The following MGST1 variants were observed in gnomAD, a reference collection of about 807,000 sequenced individuals.
The protein encoded by MGST1 is microsomal glutathione S-transferase 1.
Under a neutral mutation model 8.9 loss-of-function variants are expected in MGST1, and 5 were observed. That is an observed-to-expected ratio of 0.56 (90% CI 0.29 to 1.19). The LOEUF (loss-of-function observed/expected upper bound fraction) is 1.19. Ranked by LOEUF, MGST1 falls within the 50% of genes most tolerant of loss-of-function variation. The pLI, the probability that MGST1 is intolerant of heterozygous loss-of-function variation, is 0.08. For synonymous variants in MGST1, 54 were observed against 67.8 expected (o/e 0.80, Z 1.00); for missense variants, 182 against 187.4 (o/e 0.97, Z 0.17).
rs974026090 is a variant in MGST1 at position 16,500,489 on chromosome 12, A to G, written n.483-89039A>G. ...TACATTACATTTACAGTTTTATTTC[A>G]TTTTGTAAAGTTTCATTTCAAAACG... On this transcript the variant is annotated intron_variant and non_coding_transcript_variant, in intron 4 of 4. Coordinates refer to the MGST1 transcript ENST00000538857. The surrounding 1 kb of genome is among the most constrained non-coding windows in gnomAD (Gnocchi z 4.3). Among the ~76,000 whole-genome samples the G allele has an allele frequency of 2.0e-5, 3 of 152,114 alleles. No homozygotes were observed. The highest frequency in any genetic ancestry group is 2.9e-5 in the Non-Finnish European group (2 of 68,002).
chr12:16,392,275 C>G (rs1940559830), intron 1 of MGST1, among the ~76,000 whole-genome samples: 1 of 152,174 alleles, frequency 6.6e-6, no homozygotes, highest in Non-Finnish European at 1.5e-5. Context: ...ATTGCCTCTT[C>G]ACATGACGAT....
At chr12:16,491,546 A>T (rs1941438145) in intron 4 of MGST1, among the ~76,000 whole-genome samples, 1 of 152,136 alleles carries the variant, frequency 6.6e-6, no homozygotes, top group Non-Finnish European at 1.5e-5. Context: ...TTCCTCTCTT[A>T]AATAATGAGA....
At chr12:16,397,389 A>G (rs868827691) in intron 1 of MGST1, among the ~76,000 whole-genome samples, 1 of 152,126 alleles carries the variant, frequency 6.6e-6, no homozygotes, top group Admixed American at 6.6e-5. Context: ...ATGACCAAGA[A>G]CCCAAAAGCA....
chr12:16,444,331 T>C (rs1318275002), intron 4 of MGST1, among the ~76,000 whole-genome samples: 2 of 151,820 alleles, frequency 1.3e-5, no homozygotes, highest in African/African-American at 4.8e-5. Context: ...GACTACTTTG[T>C]CTCTGATCTT....
chr12:16,510,099 G>A (rs1246502104), intron 4 of MGST1, among the ~76,000 whole-genome samples: 1 of 152,172 alleles, frequency 6.6e-6, no homozygotes, highest in Non-Finnish European at 1.5e-5. Context: ...ACCTTAAAAG[G>A]AAGCTCAGAT....
rs1009205053 is a variant in MGST1 at position 16,349,624 on chromosome 12, G to A, written c.-23+1914G>A. Reference sequence around the variant, plus strand: ...TCTACCTCAGGATTTTTCGGGTCAAGCGAGATAAAATATGCAAAAGCTTTT... The same window carrying A: ...TCTACCTCAGGATTTTTCGGGTCAAACGAGATAAAATATGCAAAAGCTTTT... On this transcript the variant is annotated intron_variant, in intron 1 of 3. Transcript: ENST00000396210. Among the ~76,000 whole-genome samples the A allele has an allele frequency of 8.5e-5, 13 of 152,240 alleles. No individual in the cohort carries two copies. In the East Asian group the frequency reaches 1.2e-3, roughly 14 times the overall value.
At chr12:16,487,226 C>T (rs1451252767) in intron 4 of MGST1, among the ~76,000 whole-genome samples, 2 of 152,082 alleles carry the variant, frequency 1.3e-5, no homozygotes, top group Non-Finnish European at 2.9e-5. Flanking sequence ...GGTGAGTAAA[C>T]CCCAGAGATT....
downstream of MGST1, among the ~76,000 whole-genome samples, chr12:16,377,407 T>G (rs9738076): frequency 0.6 from 90,789 of 150,362 alleles, 28,148 homozygotes; most frequent in East Asian, 0.96. Context: ...TTTCGTTTTT[T>G]GTCCTTGCGA....
chr12:16,387,206 A>C (rs149168982), intron 1 of MGST1, among the ~76,000 whole-genome samples: 2 of 152,326 alleles, frequency 1.3e-5, no homozygotes, highest in South Asian at 2.1e-4. Flanking sequence ...GGGAAAAAAA[A>C]CAGCACAGTC....
At chr12:16,590,399 A>G (rs1057336402), downstream of MGST1, among the ~76,000 whole-genome samples, 16 of 152,102 alleles carry the variant, frequency 1.1e-4, no homozygotes, top group African/African-American at 3.9e-4. Context: ...TGCTGGATTT[A>G]GAAACATTTA....
intron 1 of MGST1, among the ~76,000 whole-genome samples, chr12:16,403,336 C>T (rs545539485): frequency 2.0e-5 from 3 of 151,986 alleles, no homozygotes; most frequent in East Asian, 3.9e-4. Context: ...AAGTTTCTGG[C>T]TTAAGAGCAC....
At chr12:16,396,293 G>C (rs1940604726) in intron 1 of MGST1, among the ~76,000 whole-genome samples, 1 of 152,064 alleles carries the variant, frequency 6.6e-6, no homozygotes. Context: ...CCTCAATGTA[G>C]TAAAAGTCAT....
At chr12:16,574,896 A>G (rs1242874538) in intron 4 of MGST1, among the ~76,000 whole-genome samples, 1 of 152,120 alleles carries the variant, frequency 6.6e-6, no homozygotes, top group Non-Finnish European at 1.5e-5. Context: ...AGTGATAGAA[A>G]TCTGGCCGAG....
At chr12:16,428,061 C>A (rs1163265121) in intron 1 of MGST1, among the ~76,000 whole-genome samples, 2 of 151,638 alleles carry the variant, frequency 1.3e-5, no homozygotes, top group Non-Finnish European at 2.9e-5. Flanking sequence ...AGTTTTGTAA[C>A]CTTTTTTAAA....
chr12:16,398,841 T>A (rs768823438), intron 1 of MGST1, among the ~76,000 whole-genome samples: 5 of 152,136 alleles, frequency 3.3e-5, no homozygotes, highest in Non-Finnish European at 7.4e-5. Context: ...GTGAGGAAGG[T>A]CATGGCAATA....
intron 4 of MGST1, among the ~76,000 whole-genome samples, chr12:16,575,067 T>A (rs1942950732): frequency 1.3e-5 from 2 of 152,184 alleles, no homozygotes; most frequent in African/African-American, 4.8e-5. Flanking sequence ...TGTTTATTTT[T>A]ACCTAGAAAA....
At chr12:16,454,808 A>C (rs549073538) in intron 4 of MGST1, among the ~76,000 whole-genome samples, 2 of 149,044 alleles carry the variant, frequency 1.3e-5, no homozygotes, top group Non-Finnish European at 3.0e-5. Flanking sequence ...TCAAGGCATC[A>C]AAACTGAACT....
intron 2 of MGST1, chr12:16,354,627 G>T: frequency 3.7e-6 from 1 of 268,760 alleles, no homozygotes; most frequent in Non-Finnish European, 6.9e-6. Flanking sequence ...AAGCAGATGA[G>T]ATATTCTGGA....
downstream of MGST1, among the ~76,000 whole-genome samples, chr12:16,368,642 T>A (rs1940235362): frequency 6.6e-6 from 1 of 151,886 alleles, no homozygotes; most frequent in African/African-American, 2.4e-5. Context: ...CCGTGTTGGG[T>A]TGAATTTGGC....
Sources: gnomAD v4.1 joint callset for allele counts (sites outside exome capture counted in the v4.1 genomes callset) on GRCh38, gnomAD v4.1.1 for gene constraint, Gnocchi (gnomAD v3.1) non-coding constraint, MANE v1.5 for transcripts, NCBI Gene and HGNC (gene_info 2026-07-23, HGNC 2026-07-21) for gene names.